The following ZNF407 variants were observed in gnomAD, a reference collection of about 807,000 sequenced individuals.
The protein encoded by ZNF407 is zinc finger protein 407.
Under a neutral mutation model 131.2 loss-of-function variants are expected in ZNF407, and 17 were observed. The observed-to-expected ratio is 0.13, with a 90% CI of 0.09 to 0.19. ZNF407 has a LOEUF of 0.19. ZNF407 is among the 10% of genes least tolerant of loss of function. ZNF407 has a pLI of 1.00. For missense variants in ZNF407, 2,681 were observed against 2,830.6 expected (o/e 0.95, Z 1.20); for synonymous variants, 1,156 against 1,062.0 (o/e 1.09, Z -1.72).
intron 8 of ZNF407, among the ~76,000 whole-genome samples, chr18:74,969,495 A>T (rs1005409834): frequency 7.2e-5 from 11 of 152,172 alleles, no homozygotes; most frequent in African/African-American, 2.2e-4. Flanking sequence ...TGCTTTTGTG[A>T]TATTTCAGTT....
chr18:74,615,092 A>G lies in ZNF407; in HGVS notation c.-53-15875A>G, dbSNP rs116826216. On this transcript the variant is annotated intron_variant, in intron 1 of 8. Transcript: ENST00000299687. ...TTACTTTCTTCTGTCAGCTGGATGCAGGGAATGAGAAAGCTCAAAGACAGA... is the reference window on the plus strand; with the variant it reads ...TTACTTTCTTCTGTCAGCTGGATGCGGGGAATGAGAAAGCTCAAAGACAGA... Among the ~76,000 whole-genome samples the G allele has an allele frequency of 4.6e-3, 708 of 152,354 alleles. 5 individuals are homozygous for G. Among genetic ancestry groups the G allele is most frequent in the African/African-American group, 0.016 (674 of 41,578 alleles).
At chr18:74,991,632 T>G (rs1211536821) in intron 8 of ZNF407, among the ~76,000 whole-genome samples, 1 of 152,194 alleles carries the variant, frequency 6.6e-6, no homozygotes. Context: ...TTCCTAAAAT[T>G]TATTCTTACC....
intron 1 of ZNF407, among the ~76,000 whole-genome samples, chr18:74,610,247 G>T (rs1982996076): frequency 6.6e-6 from 1 of 152,238 alleles, no homozygotes; most frequent in African/African-American, 2.4e-5. Flanking sequence ...TGATTGTGGA[G>T]CTGTGTAATC....
intron 4 of ZNF407, among the ~76,000 whole-genome samples, chr18:74,803,610 T>C (rs1970058857): frequency 6.6e-6 from 1 of 152,240 alleles, no homozygotes. Context: ...ATTTCTCTGA[T>C]ATCTTACTAA....
intron 8 of ZNF407, among the ~76,000 whole-genome samples, chr18:74,997,260 A>G (rs963077720): frequency 2.0e-5 from 3 of 152,146 alleles, no homozygotes; most frequent in Non-Finnish European, 2.9e-5. Context: ...TAGATTATCA[A>G]TTTATAACCA....
intron 3 of ZNF407, among the ~76,000 whole-genome samples, chr18:74,760,640 CA>C (rs1372223054): frequency 6.6e-6 from 1 of 152,054 alleles, no homozygotes; most frequent in Non-Finnish European, 1.5e-5. Context: ...TGAGTCAAGT[CA>C]AAGACAAACC....
chr18:74,943,610 T>C (rs1183581194), intron 8 of ZNF407, among the ~76,000 whole-genome samples: 1 of 152,236 alleles, frequency 6.6e-6, no homozygotes, highest in Non-Finnish European at 1.5e-5. Context: ...ATCAATACGT[T>C]AGACTGTTTG....
rs1298828580 is a variant in ZNF407, at chr18:74,651,576, C to T, written c.4802+10454C>T. On this transcript the variant is annotated intron_variant, in intron 3 of 8. Coordinates refer to ENST00000299687, the MANE Select transcript of ZNF407 (RefSeq NM_017757.3). ...ACAGTCATCGACAGAGAATATTTGG[C>T]AGTCAGAAGTAATTTAACTTAATTA... Among the ~76,000 whole-genome samples the T allele has an allele frequency of 2.0e-5, 3 of 152,078 alleles. No homozygotes were observed. The East Asian group carries it at 5.8e-4, about 29-fold the overall frequency.
intron 6 of ZNF407, among the ~76,000 whole-genome samples, chr18:74,881,846 A>G (rs1354530633): frequency 1.3e-5 from 2 of 152,202 alleles, no homozygotes; most frequent in Non-Finnish European, 2.9e-5. Context: ...AGACTGGGCA[A>G]TTTACAAAAG....
At chr18:74,818,420 T>G (rs1337594034) in intron 4 of ZNF407, among the ~76,000 whole-genome samples, 1 of 152,258 alleles carries the variant, frequency 6.6e-6, no homozygotes, top group Non-Finnish European at 1.5e-5. Context: ...TCAGACATTG[T>G]AGTATTTGTT....
intron 3 of ZNF407, among the ~76,000 whole-genome samples, chr18:74,727,612 G>A (rs1280079894): frequency 6.6e-6 from 1 of 152,056 alleles, no homozygotes; most frequent in East Asian, 1.9e-4. Flanking sequence ...ATTAAACTTT[G>A]CATTTTCGTT....
In ZNF407 at chr18:75,064,417, C is replaced by T. The variant is rs778557751; in HGVS notation, c.6696C>T (p.Ala2232=). The part of the protein sequence containing the change: ...VVIYTQEGSS[A]AAAIQSQRES... ...TCTACACCCAGGAGGGCTCCTCGGC[C>T]GCGGCGGCAATTCAGAGCCAAAGAG... The change falls in exon 9 of 9, where the codon GCC becomes GCT. Residue 2232 remains alanine, a synonymous_variant. Coordinates refer to ENST00000299687, the MANE Select transcript of ZNF407 (RefSeq NM_017757.3). 46 of 1,524,682 alleles carry T rather than the reference C, an allele frequency of 3.0e-5. No homozygotes were observed. The highest frequency in any genetic ancestry group is 5.0e-5 in the South Asian group (4 of 79,920). 94.4% of individuals were successfully genotyped at this position (1,524,682 alleles called of 1,614,324 possible). A position where few individuals can be genotyped will look rare whatever the true frequency, so the allele number is the denominator to read the frequency against.
At chr18:74,986,096 G>A (rs544426266) in intron 8 of ZNF407, among the ~76,000 whole-genome samples, 31 of 152,268 alleles carry the variant, frequency 2.0e-4, no homozygotes, top group African/African-American at 7.0e-4. Flanking sequence ...TGTGTCCTCA[G>A]CATTGGCACT....
At position 74,770,510 on chromosome 18, in the gene ZNF407, A is replaced by G. The variant is rs570456175; in HGVS notation, c.4803-10918A>G. 2.0e-5 allele frequency among the ~76,000 whole-genome samples: 3 copies of G among 152,324 alleles called. No individual in the cohort carries two copies. In the South Asian group the frequency reaches 6.2e-4, roughly 32 times the overall value. On this transcript the variant is annotated intron_variant, in intron 3 of 8. Coordinates refer to ENST00000299687, the MANE Select transcript of ZNF407 (RefSeq NM_017757.3). ...TCCAACGAAAAAAAACAAGAATAAA[A>G]TAACCTTAATGCTTTTATTATTAAG...
chr18:74,950,861 A>G (rs1285826269), intron 8 of ZNF407, among the ~76,000 whole-genome samples: 1 of 152,192 alleles, frequency 6.6e-6, no homozygotes, highest in Non-Finnish European at 1.5e-5. Flanking sequence ...ATGGTTTTTA[A>G]TGAGGCTTCT....
At chr18:74,723,346 G>A (rs564166883) in intron 3 of ZNF407, among the ~76,000 whole-genome samples, 55 of 152,160 alleles carry the variant, frequency 3.6e-4, no homozygotes, top group Middle Eastern at 6.8e-3. Flanking sequence ...TTGCTATGTA[G>A]AATACATTTG....
At chr18:75,034,300 G>GTTTT (rs71170337) in intron 8 of ZNF407, among the ~76,000 whole-genome samples, 21 of 115,210 alleles carry the variant, frequency 1.8e-4, no homozygotes, top group Non-Finnish European at 2.8e-4. Context: ...TCTGTGTTGG[G>GTTTT]TTTTTTTTTT....
intron 3 of ZNF407, among the ~76,000 whole-genome samples, chr18:74,649,444 AT>A (rs537901972): frequency 6.6e-6 from 1 of 152,194 alleles, no homozygotes; most frequent in Non-Finnish European, 1.5e-5. Context: ...AATAAGTATG[AT>A]TTTTTACATT....
At chr18:74,686,832 T>G (rs1482422002) in intron 3 of ZNF407, among the ~76,000 whole-genome samples, 1 of 152,260 alleles carries the variant, frequency 6.6e-6, no homozygotes, top group Non-Finnish European at 1.5e-5. Context: ...TGTTGCAGTT[T>G]CCAATGTCTG....
Sources: allele counts gnomAD v4.1 joint callset (sites outside exome capture counted in the v4.1 genomes callset), GRCh38; gene constraint gnomAD v4.1.1; transcripts MANE v1.5; gene names NCBI Gene and HGNC (gene_info 2026-07-23, HGNC 2026-07-21).